The following MCF2 variants were observed in gnomAD, a reference collection of about 807,000 sequenced individuals.
MCF2 encodes the protein proto-oncogene DBL.
A neutral mutation model predicts 82.5 loss-of-function variants in MCF2; 44 were observed. That is an observed-to-expected ratio of 0.53 (90% confidence interval 0.42 to 0.69). MCF2 has a LOEUF of 0.69. Among genes scored for constraint, MCF2 ranks in the 30% least tolerant of loss-of-function variants. The pLI, the probability that MCF2 is intolerant of heterozygous loss-of-function variation, is 0.00. For missense variants in MCF2, 623 were observed against 663.1 expected (o/e 0.94, Z 0.66); for synonymous variants, 217 against 224.9 (o/e 0.96, Z 0.32).
chrX:139,651,017 G>C (rs1365957528), intron 2 of MCF2, among the ~76,000 whole-genome samples: 1 of 111,251 alleles, frequency 9.0e-6, no homozygotes, highest in Non-Finnish European at 1.9e-5. Context: ...GCGGTTGACA[G>C]GGGCTAGAGA....
intron 10 of MCF2, among the ~76,000 whole-genome samples, chrX:139,612,982 C>T (rs942272565): frequency 9.0e-5 from 10 of 111,493 alleles, no homozygotes; most frequent in African/African-American, 3.3e-4. Context: ...TGCGGGGTCA[C>T]TTTATGAAAG....
At chrX:139,702,604 C>T (rs1222823782) in intron 1 of MCF2, among the ~76,000 whole-genome samples, 3 of 112,705 alleles carry the variant, frequency 2.7e-5, no homozygotes, top group Admixed American at 1.9e-4. Flanking sequence ...TAAACAATAA[C>T]GGAATACTGT....
At chrX:139,594,486 T>C (rs1929852363) in intron 19 of MCF2, among the ~76,000 whole-genome samples, 1 of 109,977 alleles carries the variant, frequency 9.1e-6, no homozygotes, top group Admixed American at 9.7e-5. Context: ...AAGGATTCCC[T>C]ATTTAATAAA....
intron 1 of MCF2, among the ~76,000 whole-genome samples, chrX:139,672,875 G>A (rs1198367238): frequency 1.8e-5 from 2 of 111,884 alleles, no homozygotes; most frequent in African/African-American, 6.5e-5. Context: ...GATTGGAATA[G>A]TTTCAGAAGG....
At chrX:139,605,870 T>C (rs1343484923) in intron 12 of MCF2, 91 bp from the exon 17 acceptor site, 3 of 659,544 alleles carry the variant, frequency 4.5e-6, no homozygotes, top group Non-Finnish European at 6.8e-6. Context: ...AAGGTAAAAA[T>C]AGCTAATGCA....
In MCF2 at chrX:139,589,930, A is replaced by C. The variant is rs749171184; in HGVS notation, c.2278-3T>G. ...TCAGTGATTCCAACTTCATCCATCT[A>C]TAATAAATAAGTCAAAATTTTCATG... On this transcript the variant is annotated splice_region_variant and splice_polypyrimidine_tract_variant and intron_variant, in intron 19 of 24. Coordinates refer to ENST00000370576, the Ensembl canonical transcript of MCF2. 9.1e-7 allele frequency: 1 copy of C among 1,101,512 alleles called. No individual in the cohort carries two copies. 90.8% of individuals were successfully genotyped at this position (1,101,512 alleles called of 1,213,427 possible).
intron 24 of MCF2, among the ~76,000 whole-genome samples, chrX:139,584,767 G>A (rs1180599799): frequency 9.0e-6 from 1 of 111,569 alleles, no homozygotes; most frequent in Non-Finnish European, 1.9e-5. Flanking sequence ...TCACATGCCT[G>A]GATGGAAAAC....
intron 6 of MCF2, among the ~76,000 whole-genome samples, chrX:139,623,139 G>C (rs1278403545): frequency 3.6e-5 from 4 of 111,575 alleles, no homozygotes; most frequent in Non-Finnish European, 7.5e-5. Context: ...TGGTGGGAAA[G>C]TAAATTAGTT....
intron 1 of MCF2, among the ~76,000 whole-genome samples, chrX:139,697,296 A>G (rs1935402725): frequency 8.9e-6 from 1 of 112,055 alleles, no homozygotes; most frequent in Admixed American, 9.5e-5. Flanking sequence ...AAATGAAACC[A>G]ATATCATGAA....
At chrX:139,686,127 A>G (rs1180320181) in intron 1 of MCF2, among the ~76,000 whole-genome samples, 3 of 110,870 alleles carry the variant, frequency 2.7e-5, no homozygotes, top group Non-Finnish European at 5.7e-5. Context: ...CCTCAAAATA[A>G]TAAGAGCCAT....
intron 1 of MCF2, chrX:139,692,218 A>G: frequency 1.4e-6 from 1 of 706,634 alleles, no homozygotes; most frequent in South Asian, 2.7e-5. Context: ...CCGCTACTCC[A>G]GCCAGCAGCT....
intron 6 of MCF2, among the ~76,000 whole-genome samples, chrX:139,622,085 TTC>T (rs1172558421): frequency 2.7e-5 from 3 of 111,765 alleles, no homozygotes; most frequent in Non-Finnish European, 5.6e-5. Context: ...GAACAGACAC[TTC>T]TCAAAAGAAG....
chrX:139,611,973 GGAA>G (rs1931529152), intron 10 of MCF2, among the ~76,000 whole-genome samples: 1 of 110,721 alleles, frequency 9.0e-6, no homozygotes, highest in South Asian at 3.9e-4. Flanking sequence ...CCTAGGAAAG[GGAA>G]GAAGAAGTGG....
At position 139,692,139 on chromosome X, in the gene MCF2, C is replaced by T. The variant is rs1166627043; in HGVS notation, c.-45+15967G>A. ...AGCTTGGGGCATGTGCCTGGCCGCC[C>T]GCCTTGGCGAACCCAGGTAGGGCCG... is the stretch of plus-strand genomic sequence containing the variant. On this transcript the variant is annotated intron_variant, in intron 1 of 27. Transcript: ENST00000414978. 9.6e-6 allele frequency: 11 copies of T among 1,144,101 alleles called. No individual in the cohort carries two copies. In the South Asian group the frequency reaches 1.6e-4, roughly 16 times the overall value. The allele number at this position is 1,144,101 out of a possible 1,213,427, so 94.3% of individuals were successfully genotyped here.
At chrX:139,686,114 G>A (rs1393962410) in intron 1 of MCF2, among the ~76,000 whole-genome samples, 5 of 108,128 alleles carry the variant, frequency 4.6e-5, no homozygotes, top group Non-Finnish European at 5.7e-5. Flanking sequence ...TTGATGGAAC[G>A]TACCTCAAAA....
chrX:139,694,832 A>G (rs1351684791), intron 1 of MCF2, among the ~76,000 whole-genome samples: 1 of 109,962 alleles, frequency 9.1e-6, no homozygotes, highest in East Asian at 2.9e-4. Context: ...GATTTTATGG[A>G]TTTTTTATCC....
At chrX:139,597,490 A>C (rs545913292) in exon 18 of MCF2, 1 of 1,200,347 alleles carries the variant, frequency 8.3e-7, no homozygotes, top group South Asian at 1.8e-5. Context: ...TCTGATGCAT[A>C]GAATCATTAA....
At chrX:139,647,036 C>T (rs1333979641), upstream of MCF2, 2 of 428,048 alleles carry the variant, frequency 4.7e-6, no homozygotes, top group Non-Finnish European at 8.1e-6. Flanking sequence ...CACATAAAAC[C>T]AAAATGGCTC....
intron 1 of MCF2, among the ~76,000 whole-genome samples, chrX:139,680,847 A>T (rs1934981526): frequency 1.8e-5 from 2 of 112,593 alleles, no homozygotes; most frequent in Non-Finnish European, 3.7e-5. Flanking sequence ...TGGTAAATCC[A>T]ATTAAAATGA....
Sources: allele counts gnomAD v4.1 joint callset (sites outside exome capture counted in the v4.1 genomes callset), GRCh38; gene constraint gnomAD v4.1.1; transcripts MANE v1.5; gene names NCBI Gene and HGNC (gene_info 2026-07-23, HGNC 2026-07-21).